FBN1: variants seen among roughly 807,000 people sequenced by gnomAD.
FBN1 encodes the protein fibrillin-1.
In FBN1, 29 loss-of-function variants were observed where a neutral mutation model predicts 365.1. The observed-to-expected ratio is 0.08, with a 90% confidence interval of 0.06 to 0.11. FBN1 has a LOEUF of 0.11. FBN1 is among the 10% of genes least tolerant of loss of function. The probability of loss-of-function intolerance (pLI) is 1.00; values close to 1 mark genes in which losing one functional copy is unlikely to be tolerated. For synonymous variants in FBN1, 1,210 were observed against 1,270.5 expected, an observed-to-expected ratio of 0.95 and a Z score of 1.01; for missense variants, 2,476 against 3,703.2, an observed-to-expected ratio of 0.67 and a Z score of 8.60.
rs573063458 is a variant in FBN1, at chr15:48,577,866, C to T, written c.538+18417G>A. On this transcript the variant is annotated intron_variant, in intron 6 of 65. Coordinates refer to ENST00000316623, the MANE Select transcript of FBN1 (RefSeq NM_000138.5). ...CTACAAGGTCTCAGGTGCCATATGC[C>T]GCTAAGATTAATATATTTGTAACAT... Among the ~76,000 whole-genome samples, 8 of 152,218 alleles carry T rather than the reference C, an allele frequency of 5.3e-5. No individual in the cohort carries two copies. In the South Asian group the frequency reaches 8.3e-4, roughly 16 times the overall value.
intron 53 of FBN1, 58 bp downstream of exon 53, chr15:48,436,903 A>G: frequency 2.8e-6 from 3 of 1,058,926 alleles, no homozygotes; most frequent in Admixed American, 1.7e-5. Flanking sequence ...TACAGTGAAT[A>G]CTGTATAGCT....
chr15:48,434,743 A>T (rs953784186), intron 53 of FBN1, 30 bp from the exon 54 acceptor site: 5 of 1,611,002 alleles, frequency 3.1e-6, no homozygotes, highest in Non-Finnish European at 4.2e-6. Flanking sequence ...TGTCCAAAAC[A>T]TGATGAATTG....
At chr15:48,550,994 G>GAATGAATGA (rs35621040) in intron 6 of FBN1, among the ~76,000 whole-genome samples, 3,724 of 150,918 alleles carry the variant, frequency 0.025, 63 homozygotes, top group East Asian at 0.058. Context: ...TGAATGAATG[G>GAATGAATGA]AGGATGCAAA....
At chr15:48,554,817 T>C (rs1161791058) in intron 6 of FBN1, among the ~76,000 whole-genome samples, 1 of 152,206 alleles carries the variant, frequency 6.6e-6, no homozygotes. Context: ...GGGCAAATTA[T>C]TTACTTTCTG....
At chr15:48,445,125 TATA>T in intron 48 of FBN1, among the ~76,000 whole-genome samples, 1 of 135,830 alleles carries the variant, frequency 7.4e-6, no homozygotes, top group East Asian at 2.7e-4. Context: ...TATATACACA[TATA>T]TATATATACA....
intron 64 of FBN1, among the ~76,000 whole-genome samples, chr15:48,413,274 A>T (rs1365164297): frequency 6.6e-6 from 1 of 152,146 alleles, no homozygotes; most frequent in South Asian, 2.1e-4. Flanking sequence ...GCTACTGAGG[A>T]TAAGAAGAAA....
At position 48,526,200 on chromosome 15, in the gene FBN1, G is replaced by A; in HGVS notation, c.918C>T (p.Asn306=). The A allele has an allele frequency of 2.5e-6, 4 of 1,614,022 alleles. No individual in the cohort carries two copies. The highest frequency in any genetic ancestry group is 1.3e-5 in the African/African-American group (1 of 75,048). ...PGICEGGECT[N]TVSSYFCKCP... ...ATTTGCAAAAGTAACTGCTGACTGTGTTTGTACATTCACCCCCTTCACAGA... is the reference window on the plus strand; with the variant it reads ...ATTTGCAAAAGTAACTGCTGACTGTATTTGTACATTCACCCCCTTCACAGA... The change falls in exon 9 of 66, where the codon AAC becomes AAT. Residue 306 remains asparagine, a synonymous_variant. Coordinates refer to ENST00000316623, the MANE Select transcript of FBN1 (RefSeq NM_000138.5).
Position 48,518,063 on chromosome 15 carries a change from C to A in FBN1, c.1148-1701G>T, listed in dbSNP as rs139479205. 1.2e-3 allele frequency among the ~76,000 whole-genome samples: 188 copies of A among 152,250 alleles called. 1 individual carries two copies. The highest frequency in any genetic ancestry group is 4.4e-3 in the African/African-American group (182 of 41,542). On this transcript the variant is annotated intron_variant, in intron 10 of 65. Coordinates refer to ENST00000316623, the MANE Select transcript of FBN1 (RefSeq NM_000138.5). ...GTCAAGTTTATGTTTTCAGATAATT[C>A]TCTTACAGCATTTTAATTACGATTT...
At chr15:48,572,426 T>C (rs2044313374) in intron 6 of FBN1, among the ~76,000 whole-genome samples, 1 of 151,978 alleles carries the variant, frequency 6.6e-6, no homozygotes, top group Non-Finnish European at 1.5e-5. Flanking sequence ...GAATTAAAAT[T>C]AGATTTTCCA....
chr15:48,600,692 G>A (rs1416304347), intron 4 of FBN1, among the ~76,000 whole-genome samples: 5 of 152,106 alleles, frequency 3.3e-5, no homozygotes, highest in East Asian at 1.9e-4. Flanking sequence ...GTGACAGAGC[G>A]AGCGAAAGAA....
intron 6 of FBN1, among the ~76,000 whole-genome samples, chr15:48,592,732 G>A (rs2044488061): frequency 6.6e-6 from 1 of 152,208 alleles, no homozygotes; most frequent in Non-Finnish European, 1.5e-5. Context: ...AGAGAAAGCA[G>A]CAGGAGGTGG....
chr15:48,435,847 A>C (rs2141239114), intron 53 of FBN1, among the ~76,000 whole-genome samples: 1 of 150,464 alleles, frequency 6.6e-6, no homozygotes, highest in Middle Eastern at 3.5e-3. Flanking sequence ...TAGAATACTC[A>C]CCATTCTTAT....
At chr15:48,587,548 G>C (rs1359489131) in intron 6 of FBN1, among the ~76,000 whole-genome samples, 3 of 152,148 alleles carry the variant, frequency 2.0e-5, no homozygotes, top group Non-Finnish European at 4.4e-5. Context: ...AGCTGACACA[G>C]CAGGGTCCTC....
chr15:48,552,911 G>C (rs191605770), intron 6 of FBN1, among the ~76,000 whole-genome samples: 45 of 152,222 alleles, frequency 3.0e-4, no homozygotes, highest in Non-Finnish European at 3.1e-4. Context: ...TCCTTCCTAA[G>C]CTCATATTCC....
At chr15:48,468,269 G>T in intron 37 of FBN1, 143 bp downstream of exon 37, 1 of 1,344,472 alleles carries the variant, frequency 7.4e-7, no homozygotes, top group Non-Finnish European at 1.0e-6. Flanking sequence ...CTATGGAAAA[G>T]ATATCTGAAT....
chr15:48,474,757 T>C, intron 32 of FBN1, 107 bp from the exon 33 acceptor site: 2 of 1,406,970 alleles, frequency 1.4e-6, no homozygotes, highest in Non-Finnish European at 2.0e-6. Context: ...TCCCATGGTA[T>C]AGTATAGACT....
intron 57 of FBN1, 26 bp from the exon 58 acceptor site, chr15:48,427,799 G>A (rs765997493): frequency 1.9e-6 from 3 of 1,603,450 alleles, no homozygotes; most frequent in Non-Finnish European, 2.6e-6. Context: ...TATGGCAAAG[G>A]GGATGTCAGG....
At chr15:48,574,247 T>C (rs943211347) in intron 6 of FBN1, among the ~76,000 whole-genome samples, 28 of 152,312 alleles carry the variant, frequency 1.8e-4, no homozygotes, top group African/African-American at 6.7e-4. Flanking sequence ...GTGATTATCC[T>C]GGAAGTACAA....
chr15:48,492,429 ATT>A, intron 24 of FBN1, 30 bp downstream of exon 24: 1 of 1,600,912 alleles, frequency 6.2e-7, no homozygotes, highest in Non-Finnish European at 8.6e-7. Context: ...TTAATAAATT[ATT>A]ATTAGAAAAA....
Sources: gnomAD v4.1 joint callset for allele counts (sites outside exome capture counted in the v4.1 genomes callset) on GRCh38, gnomAD v4.1.1 for gene constraint, MANE v1.5 for transcripts, NCBI Gene and HGNC (gene_info 2026-07-23, HGNC 2026-07-21) for gene names.